Variants in ADARB2 observed in about 807,000 individuals in gnomAD.
The protein encoded by ADARB2 is adenosine deaminase RNA specific B2 (inactive), also known as inactive double-stranded RNA-specific editase B2.
A neutral mutation model predicts 62.2 loss-of-function variants in ADARB2; 25 were observed. The ratio of observed to expected loss-of-function variants is 0.40; its 90% CI spans 0.29 to 0.56. The LOEUF (loss-of-function observed/expected upper bound fraction) is 0.56. Ranked by LOEUF, ADARB2 falls within the 20% of genes least tolerant of loss-of-function variation. The pLI is 0.43. For missense variants in ADARB2, 1,071 were observed against 1,077.4 expected (o/e 0.99, Z 0.08); for synonymous variants, 572 against 500.8 (o/e 1.14, Z -1.90).
intron 1 of ADARB2, among the ~76,000 whole-genome samples, chr10:1,732,704 C>T (rs376348814): frequency 3.3e-5 from 5 of 152,206 alleles, no homozygotes; most frequent in African/African-American, 1.2e-4. Context: ...GTGTCCCTGG[C>T]CAGCCAGGGT....
At chr10:1,671,670 T>G (rs148606796) in intron 1 of ADARB2, among the ~76,000 whole-genome samples, 1 of 152,238 alleles carries the variant, frequency 6.6e-6, no homozygotes, top group East Asian at 1.9e-4. Context: ...CCTATAACAT[T>G]GCATTCCCAG....
chr10:1,693,325 C>A (rs1588354754), intron 1 of ADARB2, among the ~76,000 whole-genome samples: 1 of 152,078 alleles, frequency 6.6e-6, no homozygotes, highest in East Asian at 1.9e-4. Context: ...GCCTTGAGGG[C>A]AAACCACTAG....
chr10:1,413,577 G>A (rs962103084), intron 1 of ADARB2, among the ~76,000 whole-genome samples: 1 of 152,008 alleles, frequency 6.6e-6, no homozygotes, highest in African/African-American at 2.4e-5. Flanking sequence ...TCCTCCTATC[G>A]GCCCTGTTTT....
chr10:1,624,727 C>T (rs1417265006), intron 1 of ADARB2, among the ~76,000 whole-genome samples: 1 of 152,120 alleles, frequency 6.6e-6, no homozygotes, highest in African/African-American at 2.4e-5. Context: ...TACTACTTGA[C>T]AGCATAATTA....
intron 1 of ADARB2, among the ~76,000 whole-genome samples, chr10:1,712,189 C>A (rs771767312): frequency 3.3e-5 from 5 of 152,190 alleles, no homozygotes; most frequent in African/African-American, 1.2e-4. Flanking sequence ...AGGACAAAGA[C>A]CTCAGTGACA....
chr10:1,529,935 G>GACCCATCCATTGCTCCTGCCACCGCAGGC, intron 1 of ADARB2, among the ~76,000 whole-genome samples: 2 of 149,876 alleles, frequency 1.3e-5, no homozygotes, highest in East Asian at 2.0e-4. Flanking sequence ...CCACTGCAGG[G>GACCCATCCATTGCTCCTGCCACCGCAGGC]ACCCATTCAC....
In ADARB2 at chr10:1,457,199, G is replaced by A. The variant is rs188293830; in HGVS notation, c.101-78039C>T. ...GGAAATCTTCAGAGAATAATTTTCTGGACAACTGGAATAAGAAATAAATTT... is the reference window on the plus strand; with the variant it reads ...GGAAATCTTCAGAGAATAATTTTCTAGACAACTGGAATAAGAAATAAATTT... On this transcript the variant is annotated intron_variant, in intron 1 of 9. Coordinates refer to ENST00000381312, the MANE Select transcript of ADARB2 (RefSeq NM_018702.4). Among the ~76,000 whole-genome samples, 326 of 152,304 alleles carry A rather than the reference G, an allele frequency of 2.1e-3. 6 individuals are homozygous for A. The highest frequency in any genetic ancestry group is 3.1e-3 in the Non-Finnish European group (211 of 68,032).
intron 4 of ADARB2, among the ~76,000 whole-genome samples, chr10:1,253,395 C>G (rs947905669): frequency 6.6e-6 from 1 of 152,222 alleles, no homozygotes; most frequent in Non-Finnish European, 1.5e-5. Flanking sequence ...AGACAAGACA[C>G]GTTCAAGAAC....
chr10:1,716,886 T>C (rs1161806625), intron 1 of ADARB2, among the ~76,000 whole-genome samples: 1 of 152,192 alleles, frequency 6.6e-6, no homozygotes, highest in African/African-American at 2.4e-5. Flanking sequence ...AAAGTTTACA[T>C]ATACCTTGAA....
chr10:1,367,667 C>T (rs1457522996), intron 2 of ADARB2, among the ~76,000 whole-genome samples: 12 of 152,160 alleles, frequency 7.9e-5, no homozygotes, highest in Non-Finnish European at 1.8e-4. Flanking sequence ...AGATCAACCC[C>T]CCAACCCCAT....
rs1256979846 is a variant in ADARB2 at position 1,605,755 on chromosome 10, C to CAATA, written c.100+131292_100+131295dup. Among the ~76,000 whole-genome samples the CAATA allele has an allele frequency of 2.6e-5, 4 of 152,110 alleles. No homozygotes were observed. The East Asian group carries it at 7.7e-4, about 29-fold the overall frequency. On this transcript the variant is annotated intron_variant, in intron 1 of 9. Transcript: ENST00000381312. ...AATGAAATTTCTGCTTTAGATGTCT[C>CAATA]AATAACAGGAAGAGTGATGCAAAAG...
chr10:1,377,578 C>G (rs751917814), intron 2 of ADARB2, among the ~76,000 whole-genome samples: 1 of 151,966 alleles, frequency 6.6e-6, no homozygotes, highest in African/African-American at 2.4e-5. Flanking sequence ...TTCACTTTCT[C>G]TATCCCAGAT....
At chr10:1,466,326 G>A (rs1831254333) in intron 1 of ADARB2, among the ~76,000 whole-genome samples, 3 of 152,166 alleles carry the variant, frequency 2.0e-5, no homozygotes, top group South Asian at 2.1e-4. Context: ...ATGAAAACCC[G>A]GGCAAAGACG....
At chr10:1,652,906 G>A (rs1834128838) in intron 1 of ADARB2, among the ~76,000 whole-genome samples, 1 of 152,148 alleles carries the variant, frequency 6.6e-6, no homozygotes, top group Admixed American at 6.5e-5. Flanking sequence ...GTGCAGAGTT[G>A]GGGGGCATGC....
chr10:1,567,427 C>T (rs1166295099), intron 1 of ADARB2, among the ~76,000 whole-genome samples: 1 of 152,182 alleles, frequency 6.6e-6, no homozygotes, highest in Admixed American at 6.5e-5. Context: ...CTGCACCTTG[C>T]CCAAGGTTCA....
chr10:1,693,459 A>G (rs1314576574), intron 1 of ADARB2, among the ~76,000 whole-genome samples: 2 of 152,210 alleles, frequency 1.3e-5, no homozygotes, highest in African/African-American at 4.8e-5. Flanking sequence ...CATATAGTAA[A>G]AGGATAAAAA....
intron 1 of ADARB2, among the ~76,000 whole-genome samples, chr10:1,432,833 G>C (rs1830790739): frequency 6.6e-6 from 1 of 151,974 alleles, no homozygotes; most frequent in African/African-American, 2.4e-5. Context: ...CTTGGGCAGG[G>C]AAGGCCCAGG....
chr10:1,259,659 T>C lies in ADARB2; in HGVS notation c.1192+11296A>G, dbSNP rs549972082. Among the ~76,000 whole-genome samples the C allele has an allele frequency of 9.7e-4, 148 of 152,310 alleles. 1 individual carries two copies. The Middle Eastern group carries it at 0.01, about 11-fold the overall frequency. ...GCTGTGAAATTGAGGCAATAATTAA[T>C]AGCTTACCAACCAAAAAAAGTCCAG... is the stretch of plus-strand genomic sequence containing the variant. On this transcript the variant is annotated intron_variant, in intron 4 of 9. Transcript: ENST00000381312.
At chr10:1,653,815 T>G (rs1834143859) in intron 1 of ADARB2, among the ~76,000 whole-genome samples, 1 of 152,182 alleles carries the variant, frequency 6.6e-6, no homozygotes, top group African/African-American at 2.4e-5. Context: ...AAGAACTGAT[T>G]TTTTTTCCTG....
Sources: allele counts gnomAD v4.1 joint callset (sites outside exome capture counted in the v4.1 genomes callset), GRCh38; gene constraint gnomAD v4.1.1; transcripts MANE v1.5; gene names NCBI Gene and HGNC (gene_info 2026-07-23, HGNC 2026-07-21).